Variants in NRCAM observed in about 807,000 individuals in gnomAD.
The protein encoded by NRCAM is neuronal cell adhesion molecule.
Under a neutral mutation model 156.5 loss-of-function variants are expected in NRCAM, and 83 were observed. The ratio of observed to expected loss-of-function variants is 0.53; its 90% CI spans 0.44 to 0.64. The LOEUF is 0.64. Among genes scored for constraint, NRCAM ranks in the 30% least tolerant of loss-of-function variants. The pLI is 0.00. For missense variants in NRCAM, 1,417 were observed against 1,597.3 expected (o/e 0.89, Z 1.92); for synonymous variants, 538 against 563.9 (o/e 0.95, Z 0.65).
chr7:108,226,125 G>A (rs1589081806), intron 9 of NRCAM, 83 bp downstream of exon 9: 1 of 967,914 alleles, frequency 1.0e-6, no homozygotes, highest in East Asian at 2.4e-5. Flanking sequence ...TTACTTCAAA[G>A]TCAGTAGTAT....
chr7:108,149,614 GA>G lies in NRCAM; in HGVS notation c.*295del, dbSNP rs1391609494. On this transcript the variant is annotated 3_prime_UTR_variant, in exon 33 of 33. Transcript: ENST00000379028. ...TGGAGCATTTTTCATGCATCATATTGAACTGTATCCTGCAGAGGAAATAACA... is the reference window on the plus strand; with the variant it reads ...TGGAGCATTTTTCATGCATCATATTGACTGTATCCTGCAGAGGAAATAACA... 1 of 383,192 alleles carries G rather than the reference GA, an allele frequency of 2.6e-6. No individual in the cohort carries two copies. The highest frequency in any genetic ancestry group is 4.7e-6 in the Non-Finnish European group (1 of 214,584). 23.7% of individuals were successfully genotyped at this position (383,192 alleles called of 1,614,324 possible).
intron 32 of NRCAM, 37 bp from the exon 33 acceptor site, chr7:108,150,184 AT>A: frequency 6.5e-7 from 1 of 1,529,092 alleles, no homozygotes; most frequent in Non-Finnish European, 8.9e-7. Flanking sequence ...CAAGATTGGC[AT>A]TTAGGTAACA....
intron 11 of NRCAM, among the ~76,000 whole-genome samples, chr7:108,215,255 C>T (rs2087444418): frequency 6.7e-6 from 1 of 148,364 alleles, no homozygotes. Context: ...CTCTGTCACC[C>T]AGGCTGGAGT....
chr7:108,184,146 TAGGTGAA>T, intron 22 of NRCAM, 88 bp downstream of exon 22: 1 of 780,022 alleles, frequency 1.3e-6, no homozygotes, highest in South Asian at 2.0e-5. Flanking sequence ...TCCCCAGAAA[TAGGTGAA>T]ATGAGATTCT....
At chr7:108,342,909 G>A (rs2099309218) in intron 2 of NRCAM, among the ~76,000 whole-genome samples, 1 of 152,220 alleles carries the variant, frequency 6.6e-6, no homozygotes, top group Admixed American at 6.5e-5. Context: ...AGGCTCTACT[G>A]CTTGAAGGAC....
intron 20 of NRCAM, among the ~76,000 whole-genome samples, chr7:108,184,851 TCTC>T (rs768333184): frequency 1.3e-5 from 2 of 152,108 alleles, no homozygotes; most frequent in African/African-American, 2.4e-5. Flanking sequence ...TAATTTAATT[TCTC>T]CTATTACAAA....
intron 3 of NRCAM, among the ~76,000 whole-genome samples, chr7:108,265,855 T>C (rs962079696): frequency 3.9e-5 from 6 of 152,234 alleles, no homozygotes; most frequent in Admixed American, 2.6e-4. Flanking sequence ...CCCTTCTTAT[T>C]TGCCATACCA....
chr7:108,156,215 G>A, intron 32 of NRCAM: 1 of 762,730 alleles, frequency 1.3e-6, no homozygotes, highest in Non-Finnish European at 1.6e-6. Context: ...TTATGAGCAT[G>A]GGTTAGCATG....
At chr7:108,185,066 A>T (rs1458694805) in intron 20 of NRCAM, among the ~76,000 whole-genome samples, 4 of 152,160 alleles carry the variant, frequency 2.6e-5, no homozygotes, top group Non-Finnish European at 5.9e-5. Flanking sequence ...ATAATAGGAT[A>T]AATTAAATAT....
chr7:108,426,730 T>A (rs1288855440), intron 1 of NRCAM, among the ~76,000 whole-genome samples: 3 of 152,200 alleles, frequency 2.0e-5, no homozygotes, highest in South Asian at 2.1e-4. Flanking sequence ...ACAAAATAAA[T>A]ACTTTGGTAT....
In NRCAM at chr7:108,268,625, T is replaced by TGGG. The variant is rs1198260679; in HGVS notation, c.-106-28458_-106-28456dup. Among the ~76,000 whole-genome samples the TGGG allele has an allele frequency of 5.7e-3, 278 of 49,038 alleles. 4 individuals carry two copies. Among genetic ancestry groups the TGGG allele is most frequent in the East Asian group, 0.021 (34 of 1,644 alleles). The allele number at this position is 49,038 out of a possible 152,430, so 32.2% of individuals were successfully genotyped here. A position where few individuals can be genotyped will look rare whatever the true frequency, so the allele number is the denominator to read the frequency against. On this transcript the variant is annotated intron_variant, in intron 3 of 32. Transcript: ENST00000379028. The stretch of plus-strand genomic sequence containing the variant: ...GAAATGAGCGGGGCGGGGGTGGGGG[T>TGGG]GGGGGGGGGTTGGGGGGGGCGGCGG...
At chr7:108,387,148 C>T (rs2099743220) in intron 2 of NRCAM, among the ~76,000 whole-genome samples, 2 of 152,108 alleles carry the variant, frequency 1.3e-5, no homozygotes. Flanking sequence ...ATTTTCTTAT[C>T]CTGAACAATT....
chr7:108,324,295 C>T (rs935409312), intron 2 of NRCAM, among the ~76,000 whole-genome samples: 12 of 152,196 alleles, frequency 7.9e-5, no homozygotes, highest in African/African-American at 2.9e-4. Flanking sequence ...TAGAGTTTCA[C>T]AGCTTTCAAT....
intron 28 of NRCAM, among the ~76,000 whole-genome samples, chr7:108,171,841 G>A (rs1477544937): frequency 6.6e-6 from 1 of 152,120 alleles, no homozygotes; most frequent in Non-Finnish European, 1.5e-5. Flanking sequence ...TGAACTGATT[G>A]AAACTTCTAT....
chr7:108,337,057 G>C (rs1296826139), intron 2 of NRCAM, among the ~76,000 whole-genome samples: 1 of 152,222 alleles, frequency 6.6e-6, no homozygotes, highest in Non-Finnish European at 1.5e-5. Context: ...TTGAGGCCAG[G>C]AATTCAAGAC....
At chr7:108,207,437 TGA>T (rs2081760361) in intron 13 of NRCAM, 89 bp downstream of exon 13, 1 of 1,365,700 alleles carries the variant, frequency 7.3e-7, no homozygotes, top group East Asian at 2.4e-5. Context: ...TTCCTTAACC[TGA>T]GTTATTTTTT....
Position 108,383,346 on chromosome 7 carries a change from G to A in NRCAM, c.-174+16090C>T, listed in dbSNP as rs568079951. Among the ~76,000 whole-genome samples, 3 of 152,286 alleles carry A rather than the reference G, an allele frequency of 2.0e-5. No homozygotes were observed. The East Asian group carries it at 5.8e-4, about 29-fold the overall frequency. On this transcript the variant is annotated intron_variant, in intron 2 of 32. Transcript: ENST00000379028. ...GGAACCTGCTAATGCATATTCATGA[G>A]GACTGCTAACCAGAAATAAAGACAA...
intron 3 of NRCAM, among the ~76,000 whole-genome samples, chr7:108,294,786 C>T (rs1393265139): frequency 6.6e-6 from 1 of 152,182 alleles, no homozygotes; most frequent in Non-Finnish European, 1.5e-5. Flanking sequence ...CTAGCTCACC[C>T]TTACGGTCTT....
intron 2 of NRCAM, among the ~76,000 whole-genome samples, chr7:108,390,360 C>G (rs939414341): frequency 6.6e-6 from 1 of 151,976 alleles, no homozygotes; most frequent in African/African-American, 2.4e-5. Context: ...TTACCATTTT[C>G]TGATTTACCA....
Sources: allele counts gnomAD v4.1 joint callset (sites outside exome capture counted in the v4.1 genomes callset), GRCh38; gene constraint gnomAD v4.1.1; transcripts MANE v1.5; gene names NCBI Gene and HGNC (gene_info 2026-07-23, HGNC 2026-07-21).